The following TMTC4 variants were observed in gnomAD, a reference collection of about 807,000 sequenced individuals.
TMTC4 encodes transmembrane O-mannosyltransferase targeting cadherins 4.
A neutral mutation model predicts 86.0 loss-of-function variants in TMTC4; 65 were observed. The ratio of observed to expected loss-of-function variants is 0.76; its 90% confidence interval spans 0.62 to 0.93. The LOEUF (loss-of-function observed/expected upper bound fraction) is 0.93. Ranked by LOEUF, TMTC4 falls within the 40% of genes least tolerant of loss-of-function variation. The pLI is 0.00. For synonymous variants in TMTC4, 379 were observed against 382.5 expected (o/e 0.99, Z 0.11); for missense variants, 866 against 948.1 (o/e 0.91, Z 1.14).
chr13:100,672,497 C>T (rs1453144960), intron 1 of TMTC4, among the ~76,000 whole-genome samples: 5 of 152,128 alleles, frequency 3.3e-5, no homozygotes, highest in Non-Finnish European at 7.4e-5. Context: ...TACATCCCTT[C>T]CCCCCTTTTT....
chr13:100,624,219 C>T (rs1005459974), intron 15 of TMTC4, among the ~76,000 whole-genome samples: 3 of 151,660 alleles, frequency 2.0e-5, no homozygotes, highest in South Asian at 2.1e-4. Flanking sequence ...CCAGCTACTC[C>T]GGAGGCTGAG....
chr13:100,606,293 G>A, intron 18 of TMTC4, 65 bp downstream of exon 18: 1 of 1,347,360 alleles, frequency 7.4e-7, no homozygotes, highest in Non-Finnish European at 1.1e-6. Context: ...TAATTTTATA[G>A]ACATGCACCC....
chr13:100,657,442 C>T (rs1404691741), intron 5 of TMTC4, among the ~76,000 whole-genome samples: 1 of 152,202 alleles, frequency 6.6e-6, no homozygotes, highest in Non-Finnish European at 1.5e-5. Flanking sequence ...GTGACTCTGC[C>T]CTTCCTTTCC....
chr13:100,657,856 A>G (rs890008674), intron 5 of TMTC4, among the ~76,000 whole-genome samples: 6 of 152,246 alleles, frequency 3.9e-5, no homozygotes, highest in Admixed American at 1.3e-4. Flanking sequence ...TACATCGGTT[A>G]TACACGAAAT....
intron 1 of TMTC4, among the ~76,000 whole-genome samples, chr13:100,671,658 C>T (rs1887120148): frequency 1.3e-5 from 2 of 152,140 alleles, no homozygotes; most frequent in African/African-American, 2.4e-5. Flanking sequence ...CTACCTCCAA[C>T]GCCCCTGCCC....
At chr13:100,656,555 T>TTTTTTTTTTTTTTTTTTTTTG (rs1885144494) in intron 5 of TMTC4, 87 bp from the exon 6 acceptor site, 1 of 790,732 alleles carries the variant, frequency 1.3e-6, no homozygotes. Flanking sequence ...TTTTTTTTTT[T>TTTTTTTTTTTTTTTTTTTTTG]TTTTTGCGAC....
chr13:100,669,043 C>T (rs904084611), intron 2 of TMTC4, among the ~76,000 whole-genome samples: 1 of 152,134 alleles, frequency 6.6e-6, no homozygotes. Flanking sequence ...GCCAGAATAT[C>T]GTTTAGAAAT....
chr13:100,617,018 G>A (rs1878609052), intron 15 of TMTC4, among the ~76,000 whole-genome samples: 2 of 152,080 alleles, frequency 1.3e-5, no homozygotes, highest in Non-Finnish European at 1.5e-5. Flanking sequence ...GTTTAATTAG[G>A]TCCCACTTGC....
In TMTC4 at chr13:100,625,553, G is replaced by GT; in HGVS notation, c.1817dup (p.Tyr606Ter). 4.3e-6 allele frequency: 7 copies of GT among 1,614,158 alleles called. No individual in the cohort carries two copies. The highest frequency in any genetic ancestry group is 5.9e-6 in the Non-Finnish European group (7 of 1,180,044). Residue 606 changes from tyrosine (Y) to a stop codon, truncating the protein, a stop_gained and frameshift_variant, in exon 15 of 19, where the codon TAC becomes TAAC. Coordinates refer to ENST00000342624, the MANE Select transcript of TMTC4 (RefSeq NM_032813.5). LOFTEE classifies it high-confidence loss of function. The stretch of plus-strand genomic sequence containing the variant: ...CGCTTACCAGACGCCCGAGGTTGTA[G>GT]TAACAGTCTGGGTATTTCCTTCTGT... ...IKHRRKYPDC[Y>*]YNLGRLYADL...
chr13:100,629,553 C>T (rs1428711584), intron 12 of TMTC4, among the ~76,000 whole-genome samples: 2 of 152,132 alleles, frequency 1.3e-5, no homozygotes, highest in Non-Finnish European at 2.9e-5. Context: ...CTAGATAATA[C>T]ACATTGATTA....
At chr13:100,661,772 T>C (rs907073607) in intron 5 of TMTC4, among the ~76,000 whole-genome samples, 2 of 152,214 alleles carry the variant, frequency 1.3e-5, no homozygotes, top group Non-Finnish European at 2.9e-5. Context: ...TAAAGTCAGA[T>C]GCTAAAAACA....
At chr13:100,613,382 A>C (rs919530182) in intron 16 of TMTC4, among the ~76,000 whole-genome samples, 2 of 152,194 alleles carry the variant, frequency 1.3e-5, no homozygotes, top group Non-Finnish European at 2.9e-5. Context: ...TGGATTTTTA[A>C]AGTGAAGGAG....
rs1886942076 is a variant in TMTC4, at chr13:100,670,432, G to T, written c.-70C>A. 2 of 1,545,434 alleles carry T rather than the reference G, an allele frequency of 1.3e-6. No individual in the cohort carries two copies. Among genetic ancestry groups the T allele is most frequent in the Non-Finnish European group, 1.8e-6 (2 of 1,139,162 alleles). The stretch of plus-strand genomic sequence containing the variant: ...GATTTACAATCCAGAGATGAAACAG[G>T]CCGCAACTCTTCCACTGCTTGTCTC... On this transcript the variant is annotated 5_prime_UTR_variant, in exon 2 of 19. Transcript: ENST00000342624.
At chr13:100,632,826 C>T (rs890380934) in intron 12 of TMTC4, among the ~76,000 whole-genome samples, 15 of 152,166 alleles carry the variant, frequency 9.9e-5, no homozygotes, top group African/African-American at 3.6e-4. Flanking sequence ...TCCCCGTCTC[C>T]ACCCAGGAGG....
intron 3 of TMTC4, 52 bp downstream of exon 3, chr13:100,668,527 C>A: frequency 6.4e-7 from 1 of 1,554,096 alleles, no homozygotes. Context: ...TAGATGATTA[C>A]TGAGACACAG....
At chr13:100,636,775 A>G in intron 9 of TMTC4, 41 bp from the exon 10 acceptor site, 1 of 1,605,244 alleles carries the variant, frequency 6.2e-7, no homozygotes, top group African/African-American at 1.3e-5. Flanking sequence ...TTGATACTGA[A>G]CTTAAAAAAC....
rs763503488 is a variant in TMTC4, at chr13:100,612,427, T to C, written c.2035A>G (p.Asn679Asp). ...NDHSLMFSLA[N>D]VLGKSQKYKE... The stretch of plus-strand genomic sequence containing the variant: ...TATTTCTGGGATTTCCCCAGCACGT[T>C]TGCCAACGAGAACATGAGAGAGTGA... The change falls in exon 17 of 19, where the codon AAC becomes GAC. Residue 679 changes from asparagine to aspartate, a missense_variant. Transcript: ENST00000342624. The C allele has an allele frequency of 1.4e-5, 23 of 1,610,202 alleles. No individual in the cohort carries two copies. Among genetic ancestry groups the C allele is most frequent in the African/African-American group, 2.7e-5 (2 of 74,804 alleles).
rs1190670210 is a variant in TMTC4, at chr13:100,668,909, G to A, written c.4-115C>T. The stretch of plus-strand genomic sequence containing the variant: ...TTTATGCTATGATTTTATAGGATGT[G>A]ATCAGTAACAATTTGAAGCTGTGCT... On this transcript the variant is annotated intron_variant, in intron 2 of 18. Transcript: ENST00000342624. The A allele has an allele frequency of 7.4e-6, 8 of 1,086,300 alleles. No individual in the cohort carries two copies. In the Admixed American group the frequency reaches 1.2e-4, roughly 17 times the overall value. 67.3% of individuals were successfully genotyped at this position (1,086,300 alleles called of 1,614,324 possible).
In TMTC4 at chr13:100,673,102, A is replaced by C. The variant is rs1887341477; in HGVS notation, c.-208+1642T>G. Among the ~76,000 whole-genome samples, 4 of 152,332 alleles carry C rather than the reference A, an allele frequency of 2.6e-5. No individual in the cohort carries two copies. The South Asian group carries it at 8.3e-4, about 32-fold the overall frequency. On this transcript the variant is annotated intron_variant, in intron 1 of 18. Coordinates refer to ENST00000342624, the MANE Select transcript of TMTC4 (RefSeq NM_032813.5). ...ACAGGGGCTGAATCTGGAACAAAGC[A>C]GACGTCCCTTTATCCTACAATTTCT...
Sources: allele counts gnomAD v4.1 joint callset (sites outside exome capture counted in the v4.1 genomes callset), GRCh38; gene constraint gnomAD v4.1.1; transcripts MANE v1.5; gene names NCBI Gene and HGNC (gene_info 2026-07-23, HGNC 2026-07-21).